The following MYCBPAP variants were observed in gnomAD, a reference collection of about 807,000 sequenced individuals.
MYCBPAP encodes the protein MYCBP-associated protein.
A neutral mutation model predicts 106.1 loss-of-function variants in MYCBPAP; 60 were observed. The observed-to-expected ratio is 0.57, with a 90% CI of 0.46 to 0.70. MYCBPAP has a LOEUF of 0.70. Ranked by LOEUF, MYCBPAP falls within the 30% of genes least tolerant of loss-of-function variation. MYCBPAP has a pLI of 0.00. For missense variants in MYCBPAP, 1,064 were observed against 1,169.3 expected (o/e 0.91, Z 1.31); for synonymous variants, 407 against 440.6 (o/e 0.92, Z 0.95).
In MYCBPAP at chr17:50,509,246, C is replaced by G. The variant is rs2033732118; in HGVS notation, c.76+496C>G. The G allele has an allele frequency of 5.9e-6, 4 of 682,362 alleles. No homozygotes were observed. The East Asian group carries it at 1.1e-4, about 18-fold the overall frequency. 42.3% of individuals were successfully genotyped at this position (682,362 alleles called of 1,614,324 possible). ...ACTTAGGATTCCTGCTGGAAAAACC[C>G]AGAAGAAAGGCCTTGCTTGGCTAGT... is the stretch of plus-strand genomic sequence containing the variant. On this transcript the variant is annotated intron_variant, in intron 1 of 18. Coordinates refer to ENST00000323776, the MANE Select transcript of MYCBPAP (RefSeq NM_032133.6).
At chr17:50,511,531 T>C (rs2033847845) in intron 1 of MYCBPAP, among the ~76,000 whole-genome samples, 1 of 151,762 alleles carries the variant, frequency 6.6e-6, no homozygotes. Flanking sequence ...AGAAATAGAG[T>C]CCGGGTTTCT....
At chr17:50,529,831 G>C (rs1382594012) in intron 18 of MYCBPAP, 2 of 456,664 alleles carry the variant, frequency 4.4e-6, no homozygotes, top group South Asian at 3.1e-5. Flanking sequence ...AACTGTAAGA[G>C]TTTGAAGGAC....
At chr17:50,518,265 T>C (rs567728243) in intron 4 of MYCBPAP, among the ~76,000 whole-genome samples, 1 of 152,314 alleles carries the variant, frequency 6.6e-6, no homozygotes, top group East Asian at 1.9e-4. Flanking sequence ...TGGGTGAAGG[T>C]GGCAATCAAC....
chr17:50,525,533 C>T (rs1223718177), intron 13 of MYCBPAP, among the ~76,000 whole-genome samples: 1 of 152,092 alleles, frequency 6.6e-6, no homozygotes, highest in African/African-American at 2.4e-5. Context: ...ACACTCCAGG[C>T]CAGAGTACAG....
In MYCBPAP at chr17:50,523,776, G is replaced by A. The variant is rs1217940724; in HGVS notation, c.1627G>A (p.Val543Ile). The change falls in exon 12 of 19, where the codon GTA (valine) becomes ATA (isoleucine). Residue 543 changes from valine to isoleucine, a missense_variant. Val to Ile is a conservative substitution (Grantham distance 29). Transcript: ENST00000323776. ...GGACGTTTTTGAGGATGAGAGGAAA[G>A]TACTGGAGGTAAGGGACCCAGGACC... ...TQDVFEDERK[V>I]LESKLTAHEA... The A allele has an allele frequency of 1.9e-6, 3 of 1,613,798 alleles. No individual in the cohort carries two copies. The African/African-American group carries it at 4.0e-5, about 22-fold the overall frequency.
intron 7 of MYCBPAP, among the ~76,000 whole-genome samples, chr17:50,520,402 G>A (rs980394582): frequency 1.3e-5 from 2 of 152,156 alleles, no homozygotes; most frequent in African/African-American, 4.8e-5. Flanking sequence ...CTACTTGGGA[G>A]GCTGAGGCAG....
intron 2 of MYCBPAP, 123 bp from the exon 3 acceptor site, chr17:50,517,170 G>C (rs2034081537): frequency 1.1e-6 from 1 of 870,790 alleles, no homozygotes; most frequent in African/African-American, 1.7e-5. Flanking sequence ...CATATGGACA[G>C]AGCTGAAGAA....
In MYCBPAP at chr17:50,518,979, C is replaced by T. The variant is rs150327632; in HGVS notation, c.658C>T (p.Leu220=). Residue 220 remains leucine (L), a synonymous_variant, in exon 6 of 19, where the codon CTA becomes TTA. Coordinates refer to ENST00000323776, the MANE Select transcript of MYCBPAP (RefSeq NM_032133.6). ...KKQQEALSEH[L]KKPVSELLMH... ...AATCTTGCCTCTCTCTCTAGAACACCTAAAGAAGCCAGTGAGTGAGCTGCT... is the reference window on the plus strand; with the variant it reads ...AATCTTGCCTCTCTCTCTAGAACACTTAAAGAAGCCAGTGAGTGAGCTGCT... The T allele has an allele frequency of 2.5e-6, 4 of 1,613,768 alleles. No homozygotes were observed. Among genetic ancestry groups the T allele is most frequent in the Non-Finnish European group, 8.5e-7 (1 of 1,179,890 alleles).
chr17:50,524,711 C>CGTGTGTGTGTGTGTGTGTGTGT (rs1555621272), intron 12 of MYCBPAP, among the ~76,000 whole-genome samples, 166 bp from the exon 13 acceptor site: 1 of 138,844 alleles, frequency 7.2e-6, no homozygotes, highest in African/African-American at 2.9e-5. Context: ...TTAGAACAGG[C>CGTGTGTGTGTGTGTGTGTGTGT]GTGTGTGTGT....
chr17:50,516,453 A>G, intron 1 of MYCBPAP, 117 bp from the exon 2 acceptor site: 3 of 1,255,228 alleles, frequency 2.4e-6, no homozygotes, highest in Non-Finnish European at 3.2e-6. Context: ...CCAGCTGGTC[A>G]GCTCTGCCCC....
chr17:50,510,529 A>ATATATATATG (rs2033806647), intron 1 of MYCBPAP: 6 of 130,846 alleles, frequency 4.6e-5, no homozygotes, highest in African/African-American at 1.5e-4. Context: ...ATATATATAT[A>ATATATATATG]TATATATGTA....
chr17:50,510,491 G>GTCTATATATA (rs1470026068), intron 1 of MYCBPAP: 4 of 113,836 alleles, frequency 3.5e-5, no homozygotes, highest in African/African-American at 1.2e-4. Context: ...GTGTGTGTGT[G>GTCTATATATA]TGTGTGTGTA....
intron 15 of MYCBPAP, 63 bp downstream of exon 15, chr17:50,527,471 G>T (rs914039194): frequency 2.5e-6 from 4 of 1,597,622 alleles, no homozygotes; most frequent in Non-Finnish European, 3.4e-6. Context: ...CAGGGGTCCT[G>T]GGCAGGCAGT....
chr17:50,518,073 G>A (rs3809767), intron 4 of MYCBPAP, among the ~76,000 whole-genome samples: 38,595 of 152,192 alleles, frequency 0.25, 6,991 homozygotes, highest in African/African-American at 0.51. Flanking sequence ...CTCAGTCCAC[G>A]TGGTGGAGGA....
upstream of MYCBPAP, among the ~76,000 whole-genome samples, chr17:50,507,853 A>C (rs551786674): frequency 7.9e-5 from 12 of 152,272 alleles, no homozygotes; most frequent in African/African-American, 2.9e-4. Context: ...TACACAAAAA[A>C]CCGAAATAAT....
At chr17:50,514,963 T>G (rs1334858823) in intron 1 of MYCBPAP, 5 of 436,986 alleles carry the variant, frequency 1.1e-5, no homozygotes, top group African/African-American at 1.0e-4. Flanking sequence ...AGCCTTCACA[T>G]GGCTCACTGA....
chr17:50,514,986 A>G (rs768123718), intron 1 of MYCBPAP: 24 of 389,064 alleles, frequency 6.2e-5, no homozygotes, highest in Admixed American at 4.6e-4. Flanking sequence ...TCTTCACGAT[A>G]TGGCGGCTGC....
chr17:50,526,123 G>A lies in MYCBPAP; in HGVS notation c.2025G>A (p.Val675=). Residue 675 remains valine, a synonymous_variant, in exon 14 of 19, where the codon GTG becomes GTA. Coordinates refer to ENST00000323776, the MANE Select transcript of MYCBPAP (RefSeq NM_032133.6). ...LRESGSQKAR[V]GTKSPQRKSI... is the part of the protein sequence containing the mutation. ...AATCCGGGTCCCAGAAGGCCAGAGT[G>A]GGGACCAAGAGTCCTCAGCGGAAGA... The A allele has an allele frequency of 6.2e-7, 1 of 1,613,888 alleles. No homozygotes were observed. The highest frequency in any genetic ancestry group is 1.1e-5 in the South Asian group (1 of 91,080).
intron 1 of MYCBPAP, among the ~76,000 whole-genome samples, chr17:50,516,249 T>A (rs2034046304): frequency 1.3e-5 from 2 of 151,950 alleles, no homozygotes; most frequent in South Asian, 4.1e-4. Context: ...GTCAGCCTCC[T>A]AAAGTGCTGG....
Sources: gnomAD v4.1 joint callset for allele counts (sites outside exome capture counted in the v4.1 genomes callset) on GRCh38, gnomAD v4.1.1 for gene constraint, MANE v1.5 for transcripts, NCBI Gene and HGNC (gene_info 2026-07-23, HGNC 2026-07-21) for gene names.